PCCA: variants seen among roughly 807,000 people sequenced by gnomAD.
The protein encoded by PCCA is propionyl-CoA carboxylase alpha chain, mitochondrial.
PCCA carries 74 observed loss-of-function variants against 101.3 expected under a neutral mutation model. The ratio of observed to expected loss-of-function variants is 0.73; its 90% CI spans 0.61 to 0.89. The LOEUF (loss-of-function observed/expected upper bound fraction) is 0.89, where lower values mean the gene tolerates loss of function less well. PCCA is among the 40% of genes least tolerant of loss of function. The pLI is 0.00. For synonymous variants in PCCA, 294 were observed against 313.6 expected (o/e 0.94, Z 0.66); for missense variants, 891 against 907.0 (o/e 0.98, Z 0.23).
At chr13:100,372,266 C>G (rs1337826079) in intron 19 of PCCA, among the ~76,000 whole-genome samples, 1 of 152,160 alleles carries the variant, frequency 6.6e-6, no homozygotes, top group Non-Finnish European at 1.5e-5. Flanking sequence ...GCAGGAGAAG[C>G]TCTTCAACTC....
intron 22 of PCCA, among the ~76,000 whole-genome samples, chr13:100,524,988 GATAGATAGATAGATA>G (rs1566511044): frequency 1.4e-4 from 15 of 110,414 alleles, no homozygotes; most frequent in African/African-American, 4.4e-4. Flanking sequence ...AAGATGGATA[GATAGATAGATAGATA>G]GATAGATAGA....
intron 6 of PCCA, among the ~76,000 whole-genome samples, chr13:100,163,985 GCGATCATATAGT>G (rs35291158): frequency 0.26 from 38,911 of 151,926 alleles, 5,608 homozygotes; most frequent in Middle Eastern, 0.45. Flanking sequence ...TAGAAATTTT[GCGATCATATAGT>G]CCATCCTCCT....
At chr13:100,374,987 T>G (rs969744037) in intron 19 of PCCA, among the ~76,000 whole-genome samples, 1 of 152,222 alleles carries the variant, frequency 6.6e-6, no homozygotes, top group East Asian at 1.9e-4. Context: ...CTTTCCTCCT[T>G]TCTCCTGTGG....
intron 18 of PCCA, among the ~76,000 whole-genome samples, chr13:100,366,399 C>T (rs7998080): frequency 0.014 from 2,092 of 152,236 alleles, 49 homozygotes; most frequent in African/African-American, 0.048. Context: ...TCCTCACAGT[C>T]TTTTCTACTT....
intron 19 of PCCA, among the ~76,000 whole-genome samples, chr13:100,424,617 A>G (rs2152892559): frequency 6.6e-6 from 1 of 152,284 alleles, no homozygotes; most frequent in African/African-American, 2.4e-5. Flanking sequence ...GGATATTTTT[A>G]GGGCACCTTA....
chr13:100,234,205 A>G (rs1023400205), intron 7 of PCCA, among the ~76,000 whole-genome samples: 1 of 152,168 alleles, frequency 6.6e-6, no homozygotes, highest in Non-Finnish European at 1.5e-5. Flanking sequence ...TATTAAGGGG[A>G]AGTATTCTCC....
chr13:100,507,575 C>A (rs2086174475), intron 21 of PCCA, among the ~76,000 whole-genome samples: 1 of 152,228 alleles, frequency 6.6e-6, no homozygotes, highest in Admixed American at 6.5e-5. Flanking sequence ...ATTCAGATTA[C>A]AAGGTAACCT....
At chr13:100,477,078 C>T (rs2083469280) in intron 21 of PCCA, among the ~76,000 whole-genome samples, 1 of 152,152 alleles carries the variant, frequency 6.6e-6, no homozygotes, top group African/African-American at 2.4e-5. Context: ...CGGGTAATGA[C>T]CGAGGGCACC....
At chr13:100,309,795 A>G (rs762916556) in intron 15 of PCCA, 38 bp from the exon 16 acceptor site, 13 of 1,241,204 alleles carry the variant, frequency 1.0e-5, no homozygotes, top group East Asian at 2.5e-5. Flanking sequence ...AGTTCTAAAT[A>G]TATATATATA....
intron 17 of PCCA, among the ~76,000 whole-genome samples, chr13:100,334,605 C>T (rs16957309): frequency 0.017 from 2,602 of 152,162 alleles, 94 homozygotes; most frequent in African/African-American, 0.059. Context: ...ACTTAATGAA[C>T]TAAAAAACTG....
At chr13:100,406,531 C>T (rs542258791) in intron 19 of PCCA, among the ~76,000 whole-genome samples, 24 of 152,224 alleles carry the variant, frequency 1.6e-4, no homozygotes, top group African/African-American at 5.1e-4. Flanking sequence ...ACGGAGAAAC[C>T]CCATCTCTAC....
At chr13:100,195,538 A>G (rs1265230497) in intron 6 of PCCA, among the ~76,000 whole-genome samples, 6 of 152,114 alleles carry the variant, frequency 3.9e-5, no homozygotes, top group Non-Finnish European at 5.9e-5. Context: ...TGTTAACTCA[A>G]ATTTTCTCAG....
intron 1 of PCCA, among the ~76,000 whole-genome samples, chr13:100,093,995 G>C (rs550068280): frequency 4.4e-4 from 67 of 152,162 alleles, no homozygotes; most frequent in African/African-American, 1.6e-3. Context: ...TTGGGAGGCC[G>C]AGGCAGGCAG....
At chr13:100,497,899 C>T (rs1300712473) in intron 21 of PCCA, among the ~76,000 whole-genome samples, 1 of 151,898 alleles carries the variant, frequency 6.6e-6, no homozygotes, top group Non-Finnish European at 1.5e-5. Context: ...CACAGGGTCT[C>T]ACTCTGTCAC....
At chr13:100,343,787 T>A (rs567389020) in intron 18 of PCCA, among the ~76,000 whole-genome samples, 50 of 152,222 alleles carry the variant, frequency 3.3e-4, no homozygotes, top group Non-Finnish European at 4.1e-4. Flanking sequence ...GATGTATAGA[T>A]GTTATTGGCC....
chr13:100,126,159 C>T (rs1467386312), intron 4 of PCCA, among the ~76,000 whole-genome samples: 1 of 152,138 alleles, frequency 6.6e-6, no homozygotes, highest in Non-Finnish European at 1.5e-5. Context: ...TTGCCAAATT[C>T]AATATGTATA....
intron 19 of PCCA, among the ~76,000 whole-genome samples, chr13:100,389,442 A>G (rs144232518): frequency 5.6e-4 from 85 of 152,320 alleles, no homozygotes; most frequent in African/African-American, 1.9e-3. Context: ...CTAAATAACA[A>G]GAACACATGG....
intron 16 of PCCA, 67 bp downstream of exon 16, chr13:100,309,975 G>A (rs775433351): frequency 1.7e-6 from 2 of 1,149,922 alleles, no homozygotes; most frequent in Non-Finnish European, 2.6e-6. Flanking sequence ...ACAGCCTGGG[G>A]GTTTACCAAT....
intron 16 of PCCA, among the ~76,000 whole-genome samples, chr13:100,321,591 CTGTGTG>C (rs35931512): frequency 0.31 from 40,817 of 131,852 alleles, 6,188 homozygotes; most frequent in Middle Eastern, 0.38. Flanking sequence ...TATAGAAGAT[CTGTGTG>C]TGTGTGTGTG....
Sources: gnomAD v4.1 joint callset for allele counts (sites outside exome capture counted in the v4.1 genomes callset) on GRCh38, gnomAD v4.1.1 for gene constraint, MANE v1.5 for transcripts, NCBI Gene and HGNC (gene_info 2026-07-23, HGNC 2026-07-21) for gene names.